DCC: variants seen among roughly 807,000 people sequenced by gnomAD.
DCC encodes the protein DCC netrin 1 receptor.
Under a neutral mutation model 172.5 loss-of-function variants are expected in DCC, and 58 were observed. The ratio of observed to expected loss-of-function variants is 0.34; its 90% confidence interval spans 0.27 to 0.42. The LOEUF is 0.42. Ranked by LOEUF, DCC falls within the 10% of genes least tolerant of loss-of-function variation. DCC has a pLI of 1.00. For synonymous variants in DCC, 709 were observed against 644.5 expected, an observed-to-expected ratio of 1.10 and a Z score of -1.52; for missense variants, 1,740 against 1,791.0, an observed-to-expected ratio of 0.97 and a Z score of 0.51.
chr18:53,419,690 A>G (rs958964022), intron 21 of DCC, among the ~76,000 whole-genome samples: 1 of 152,138 alleles, frequency 6.6e-6, no homozygotes, highest in Admixed American at 6.5e-5. Flanking sequence ...TCTCGTAACA[A>G]TACTGTGAGA....
intron 1 of DCC, among the ~76,000 whole-genome samples, chr18:52,571,308 A>G (rs1052424736): frequency 5.9e-5 from 9 of 151,920 alleles, no homozygotes; most frequent in Admixed American, 2.6e-4. Context: ...AGTAGCCTCT[A>G]TGGGTGGGGG....
intron 5 of DCC, among the ~76,000 whole-genome samples, chr18:52,961,188 G>C (rs1246681003): frequency 6.6e-6 from 1 of 152,104 alleles, no homozygotes; most frequent in Non-Finnish European, 1.5e-5. Flanking sequence ...TATACCTAAT[G>C]TTAAATGAAG....
At chr18:52,387,075 C>T (rs1035885561) in intron 1 of DCC, among the ~76,000 whole-genome samples, 20 of 152,140 alleles carry the variant, frequency 1.3e-4, no homozygotes, top group African/African-American at 4.3e-4. Flanking sequence ...CCGAATTCAG[C>T]TGAAAATGTC....
chr18:53,124,605 G>A (rs1188001503), intron 7 of DCC, among the ~76,000 whole-genome samples: 3 of 152,066 alleles, frequency 2.0e-5, no homozygotes, highest in African/African-American at 7.2e-5. Flanking sequence ...TGCTCTGTAA[G>A]AGGGTCCTGT....
intron 12 of DCC, among the ~76,000 whole-genome samples, chr18:53,245,524 T>C (rs973904494): frequency 6.6e-5 from 10 of 152,122 alleles, no homozygotes; most frequent in Admixed American, 2.0e-4. Flanking sequence ...ATGTAAGCAC[T>C]GGTGAAATAA....
intron 2 of DCC, among the ~76,000 whole-genome samples, chr18:52,811,718 ATTATTT>A (rs2038204733): frequency 6.6e-6 from 1 of 152,138 alleles, no homozygotes; most frequent in African/African-American, 2.4e-5. Flanking sequence ...GTAGCTTTTC[ATTATTT>A]TTATCGAAGA....
chr18:53,195,621 C>T lies in DCC; in HGVS notation c.1574-9595C>T, dbSNP rs1311059391. On this transcript the variant is annotated intron_variant, in intron 9 of 28. Transcript: ENST00000442544. ...TAGGGTCGTTTTTGTCTCCATTTCC[C>T]AACTTGTAAGTTCTGTTCTGGAAAG... Among the ~76,000 whole-genome samples the T allele has an allele frequency of 2.0e-5, 3 of 152,248 alleles. No homozygotes were observed. In the South Asian group the frequency reaches 6.2e-4, roughly 32 times the overall value.
intron 1 of DCC, among the ~76,000 whole-genome samples, chr18:52,738,040 T>G (rs2036755430): frequency 6.6e-6 from 1 of 152,164 alleles, no homozygotes. Flanking sequence ...TGTTATCTTT[T>G]ACATGGCAAC....
intron 1 of DCC, among the ~76,000 whole-genome samples, chr18:52,490,537 G>T (rs1391365319): frequency 6.6e-6 from 1 of 152,088 alleles, no homozygotes; most frequent in East Asian, 1.9e-4. Flanking sequence ...TGGGAGCAGA[G>T]CTGGGACTAG....
intron 1 of DCC, among the ~76,000 whole-genome samples, chr18:52,395,245 A>G (rs762224747): frequency 1.3e-5 from 2 of 152,048 alleles, no homozygotes; most frequent in African/African-American, 2.4e-5. Flanking sequence ...GAAATTTACT[A>G]TTGGCTAGGA....
At chr18:52,560,847 ATTTTC>A (rs1568229729) in intron 1 of DCC, among the ~76,000 whole-genome samples, 1 of 152,136 alleles carries the variant, frequency 6.6e-6, no homozygotes, top group African/African-American at 2.4e-5. Flanking sequence ...GTATTTGCTT[ATTTTC>A]TTAAACATTG....
chr18:52,889,048 G>T (rs1166880353), intron 2 of DCC, among the ~76,000 whole-genome samples: 3 of 151,520 alleles, frequency 2.0e-5, no homozygotes, highest in Admixed American at 2.0e-4. Flanking sequence ...AAGCTCAACA[G>T]GGGAGGGAAT....
chr18:53,103,378 G>T (rs2043200427), intron 7 of DCC, among the ~76,000 whole-genome samples: 1 of 152,066 alleles, frequency 6.6e-6, no homozygotes, highest in African/African-American at 2.4e-5. Context: ...TGTTTAGGGT[G>T]TTTTTAATTT....
At chr18:52,385,484 C>A (rs763839172) in intron 1 of DCC, among the ~76,000 whole-genome samples, 1 of 151,984 alleles carries the variant, frequency 6.6e-6, no homozygotes, top group Admixed American at 6.6e-5. Flanking sequence ...GGATTGCAGG[C>A]GTGAGCTACT....
chr18:53,254,014 T>C (rs1393484470), intron 12 of DCC, among the ~76,000 whole-genome samples: 1 of 152,032 alleles, frequency 6.6e-6, no homozygotes, highest in Non-Finnish European at 1.5e-5. Context: ...TGTATTAGCA[T>C]AAAGTGTCAT....
intron 1 of DCC, among the ~76,000 whole-genome samples, chr18:52,745,754 G>A (rs377591635): frequency 6.6e-6 from 1 of 152,154 alleles, no homozygotes; most frequent in Non-Finnish European, 1.5e-5. Context: ...TGTCTAAGGG[G>A]TGTAATTTTG....
intron 1 of DCC, among the ~76,000 whole-genome samples, chr18:52,466,400 A>T (rs984515957): frequency 6.6e-6 from 1 of 152,272 alleles, no homozygotes; most frequent in Middle Eastern, 3.4e-3. Flanking sequence ...GTAGCATGGG[A>T]AACTCGAAAA....
At chr18:53,367,290 C>T (rs1414921561) in intron 15 of DCC, among the ~76,000 whole-genome samples, 3 of 149,618 alleles carry the variant, frequency 2.0e-5, no homozygotes, top group Non-Finnish European at 2.9e-5. Context: ...GAGTATAGCC[C>T]TCTCATTTCA....
chr18:53,520,068 A>G (rs368836840), intron 27 of DCC, among the ~76,000 whole-genome samples: 45 of 152,260 alleles, frequency 3.0e-4, no homozygotes, highest in East Asian at 1.7e-3. Context: ...ATGCATAAAC[A>G]AAGTGGGCTT....
Sources: allele counts gnomAD v4.1 joint callset (sites outside exome capture counted in the v4.1 genomes callset), GRCh38; gene constraint gnomAD v4.1.1; transcripts MANE v1.5; gene names NCBI Gene and HGNC (gene_info 2026-07-23, HGNC 2026-07-21).